FAM83B: variants seen among roughly 807,000 people sequenced by gnomAD.
FAM83B encodes the protein scaffolding CK1 anchoring protein B.
FAM83B carries 26 observed loss-of-function variants against 38.8 expected under a neutral mutation model. That is an observed-to-expected ratio of 0.67 (90% CI 0.49 to 0.93). The LOEUF (loss-of-function observed/expected upper bound fraction) is 0.93, where lower values mean the gene tolerates loss of function less well. FAM83B is among the 40% of genes least tolerant of loss of function. The pLI is 0.00. For missense variants in FAM83B, 1,237 were observed against 1,197.3 expected (o/e 1.03, Z -0.49); for synonymous variants, 419 against 423.1 (o/e 0.99, Z 0.12).
At chr6:54,868,589 T>C (rs1771772206) in intron 1 of FAM83B, among the ~76,000 whole-genome samples, 1 of 152,172 alleles carries the variant, frequency 6.6e-6, no homozygotes. Flanking sequence ...TTCCTTTTTC[T>C]CTTGGAGAAG....
chr6:54,853,655 C>G (rs1363669451), intron 1 of FAM83B, among the ~76,000 whole-genome samples: 4 of 152,124 alleles, frequency 2.6e-5, no homozygotes, highest in African/African-American at 9.7e-5. Flanking sequence ...AAAAAGATTC[C>G]TTTCAAAATG....
At chr6:54,939,339 T>C (rs1295396321) in intron 4 of FAM83B, among the ~76,000 whole-genome samples, 1 of 152,184 alleles carries the variant, frequency 6.6e-6, no homozygotes, top group Non-Finnish European at 1.5e-5. Flanking sequence ...GCTTTGGCTA[T>C]GCAGGCTCTT....
chr6:54,934,989 C>A (rs926988529), intron 4 of FAM83B, among the ~76,000 whole-genome samples: 2 of 152,140 alleles, frequency 1.3e-5, no homozygotes, highest in African/African-American at 4.8e-5. Context: ...TTATTAAATA[C>A]TTTCACTTGC....
intron 2 of FAM83B, among the ~76,000 whole-genome samples, chr6:54,905,868 C>T (rs1038990857): frequency 4.0e-5 from 6 of 151,414 alleles, no homozygotes; most frequent in African/African-American, 1.5e-4. Context: ...TCTGTTTTTC[C>T]CCATTTGCCC....
chr6:54,895,891 T>C lies in FAM83B; in HGVS notation c.444+25201T>C, dbSNP rs546435281. Among the ~76,000 whole-genome samples, 513 of 152,014 alleles carry C rather than the reference T, an allele frequency of 3.4e-3. 4 individuals carry two copies. The highest frequency in any genetic ancestry group is 4.3e-3 in the Admixed American group (66 of 15,262). On this transcript the variant is annotated intron_variant, in intron 2 of 4. Coordinates refer to ENST00000306858, the MANE Select transcript of FAM83B (RefSeq NM_001010872.3). Reference sequence around the variant, plus strand: ...GAGTAGCTGTGATTACCTTTTTGTTTTGTTTTGTTTTTTAGATGGAGTCTT... The same window carrying C: ...GAGTAGCTGTGATTACCTTTTTGTTCTGTTTTGTTTTTTAGATGGAGTCTT...
Position 54,940,305 on chromosome 6 carries a change from C to T in FAM83B, c.1334C>T (p.Ala445Val). The change falls in exon 5 of 5, where the codon GCC becomes GTC. Residue 445 changes from alanine (A) to valine (V), a missense_variant. By Grantham distance (64) the Ala-to-Val change is moderately conservative. Transcript: ENST00000306858. ...SHHNTPAQSF[A>V]NRLAQRKTTN... ...CACAACACACCTGCCCAGAGTTTTG[C>T]CAATCGGCTTGCGCAGAGAAAAACA... The T allele has an allele frequency of 6.2e-7, 1 of 1,614,018 alleles. No homozygotes were observed. Among genetic ancestry groups the T allele is most frequent in the East Asian group, 2.2e-5 (1 of 44,852 alleles).
rs187688819 is a variant in FAM83B at position 54,939,243 on chromosome 6, A to G, written c.735-463A>G. On this transcript the variant is annotated intron_variant, in intron 4 of 4. Transcript: ENST00000306858. ...ATGTGCCTATTCTTATACCAGTAGGATGCTGTTTTGGTAACCGTAGCCTTG... is the reference window on the plus strand; with the variant it reads ...ATGTGCCTATTCTTATACCAGTAGGGTGCTGTTTTGGTAACCGTAGCCTTG... Among the ~76,000 whole-genome samples the G allele has an allele frequency of 3.3e-5, 5 of 152,198 alleles. No individual in the cohort carries two copies. The East Asian group carries it at 9.7e-4, about 29-fold the overall frequency.
intron 2 of FAM83B, among the ~76,000 whole-genome samples, chr6:54,884,681 C>A (rs1772226227): frequency 6.6e-6 from 1 of 151,950 alleles, no homozygotes; most frequent in African/African-American, 2.4e-5. Flanking sequence ...GGACTCTATT[C>A]TAATTCCATT....
chr6:54,911,140 C>CGTGTGTGTGTGT (rs138421344), intron 2 of FAM83B, among the ~76,000 whole-genome samples: 5,328 of 147,444 alleles, frequency 0.036, 114 homozygotes, highest in Middle Eastern at 0.083. Context: ...TGACACACAG[C>CGTGTGTGTGTGT]GTGTGTGTGT....
In FAM83B at chr6:54,924,188, T is replaced by C. The variant is rs943680777; in HGVS notation, c.445-2183T>C. 3.2e-3 allele frequency among the ~76,000 whole-genome samples: 473 copies of C among 147,906 alleles called. 1 individual carries two copies. The highest frequency in any genetic ancestry group is 0.011 in the African/African-American group (450 of 40,104). On this transcript the variant is annotated intron_variant, in intron 2 of 4. Transcript: ENST00000306858. The stretch of plus-strand genomic sequence containing the variant: ...TTTATGGTCAAACAGTATTCATTTA[T>C]ACACACACACACACACACACACACA...
At chr6:54,873,003 T>A (rs1309629446) in intron 2 of FAM83B, among the ~76,000 whole-genome samples, 1 of 150,394 alleles carries the variant, frequency 6.6e-6, no homozygotes, top group African/African-American at 2.4e-5. Flanking sequence ...TTTTTGTTTT[T>A]AATTTTATTT....
intron 2 of FAM83B, among the ~76,000 whole-genome samples, chr6:54,883,790 T>G (rs1772198957): frequency 6.6e-6 from 1 of 152,174 alleles, no homozygotes; most frequent in Non-Finnish European, 1.5e-5. Context: ...TAACAGGAGT[T>G]CTTAATTTAT....
chr6:54,918,437 G>A lies in FAM83B; in HGVS notation c.445-7934G>A, dbSNP rs563139847. Among the ~76,000 whole-genome samples the A allele has an allele frequency of 1.4e-4, 22 of 152,218 alleles. No homozygotes were observed. In the South Asian group the frequency reaches 3.5e-3, roughly 24 times the overall value. ...ACTGGGTAATTTATAAAGGAAAGAGGTTTAATTGACTCAGAGTTCTGCAGG... is the reference window on the plus strand; with the variant it reads ...ACTGGGTAATTTATAAAGGAAAGAGATTTAATTGACTCAGAGTTCTGCAGG... On this transcript the variant is annotated intron_variant, in intron 2 of 4. Coordinates refer to ENST00000306858, the MANE Select transcript of FAM83B (RefSeq NM_001010872.3).
At chr6:54,876,278 C>CATATATATATAT (rs3996949) in intron 2 of FAM83B, among the ~76,000 whole-genome samples, 1 of 96,198 alleles carries the variant, frequency 1.0e-5, no homozygotes, top group African/African-American at 4.4e-5. Flanking sequence ...TTTAGGAGTG[C>CATATATATATAT]ATATATATAT....
Position 54,873,289 on chromosome 6 carries a change from G to A in FAM83B, c.444+2599G>A, listed in dbSNP as rs541520420. Among the ~76,000 whole-genome samples, 19 of 152,134 alleles carry A rather than the reference G, an allele frequency of 1.2e-4. 3 individuals carry two copies. Among genetic ancestry groups the A allele is most frequent in the African/African-American group, 3.1e-4 (13 of 41,510 alleles). On this transcript the variant is annotated intron_variant, in intron 2 of 4. Coordinates refer to ENST00000306858, the MANE Select transcript of FAM83B (RefSeq NM_001010872.3). ...TATTTTGGAAGATTCTTTATATGTC[G>A]CCATATCTACTTAAAGATTTTTGAA...
intron 1 of FAM83B, among the ~76,000 whole-genome samples, chr6:54,859,012 G>A (rs6459029): frequency 0.68 from 103,302 of 151,780 alleles, 37,061 homozygotes; most frequent in African/African-American, 0.89. Flanking sequence ...TTCAGATATT[G>A]ACAGTTTCTG....
chr6:54,913,106 T>G (rs971153952), intron 2 of FAM83B, among the ~76,000 whole-genome samples: 1 of 152,080 alleles, frequency 6.6e-6, no homozygotes, highest in African/African-American at 2.4e-5. Flanking sequence ...GACATCAAAG[T>G]GAAACAATTA....
chr6:54,937,245 A>G (rs865901772), intron 4 of FAM83B, among the ~76,000 whole-genome samples: 2 of 151,896 alleles, frequency 1.3e-5, no homozygotes, highest in Non-Finnish European at 1.5e-5. Flanking sequence ...ATATTAAATC[A>G]CTAGATTTTC....
intron 1 of FAM83B, among the ~76,000 whole-genome samples, chr6:54,854,612 C>T (rs1354402876): frequency 2.0e-5 from 3 of 152,134 alleles, no homozygotes; most frequent in Non-Finnish European, 2.9e-5. Context: ...AGACATAATG[C>T]TATTGCACAC....
Sources: gnomAD v4.1 joint callset for allele counts (sites outside exome capture counted in the v4.1 genomes callset) on GRCh38, gnomAD v4.1.1 for gene constraint, MANE v1.5 for transcripts, NCBI Gene and HGNC (gene_info 2026-07-23, HGNC 2026-07-21) for gene names.